Variants in ATP1A3 observed in about 807,000 individuals in gnomAD.
The protein encoded by ATP1A3 is sodium/potassium-transporting ATPase subunit alpha-3.
Under a neutral mutation model 108.8 loss-of-function variants are expected in ATP1A3, and 12 were observed. The observed-to-expected ratio is 0.11, with a 90% CI of 0.07 to 0.18. The LOEUF is 0.18. Among genes scored for constraint, ATP1A3 ranks in the 10% least tolerant of loss-of-function variants. ATP1A3 has a pLI of 1.00. For synonymous variants in ATP1A3, 539 were observed against 564.5 expected (o/e 0.95, Z 0.64); for missense variants, 498 against 1,387.7 (o/e 0.36, Z 10.19).
chr19:41,983,899 T>C (rs2075260883), intron 8 of ATP1A3, among the ~76,000 whole-genome samples: 1 of 149,670 alleles, frequency 6.7e-6, no homozygotes, highest in Admixed American at 6.7e-5. Context: ...CTCAGCCTCC[T>C]GAGTAGCTGG....
intron 1 of ATP1A3, among the ~76,000 whole-genome samples, chr19:41,991,174 C>T (rs977921850): frequency 2.0e-5 from 3 of 152,164 alleles, no homozygotes; most frequent in Admixed American, 6.5e-5. Flanking sequence ...TGACAGGTCC[C>T]GCAGGCCCAG....
chr19:41,986,101 C>G lies in ATP1A3; in HGVS notation c.471+15G>C, dbSNP rs1371096623. ...ACTAACACCCCCGTCTGGCCCCTTG[C>G]TGGGCACCCTTCACCTGGGGCACCA... On this transcript the variant is annotated intron_variant, in intron 5 of 22. Coordinates refer to ENST00000648268, the MANE Select transcript of ATP1A3 (RefSeq NM_152296.5). The G allele has an allele frequency of 6.2e-7, 1 of 1,614,170 alleles. No individual in the cohort carries two copies. Among genetic ancestry groups the G allele is most frequent in the East Asian group, 2.2e-5 (1 of 44,890 alleles).
At chr19:41,979,184 G>A (rs1434933854) in intron 11 of ATP1A3, among the ~76,000 whole-genome samples, 1 of 151,236 alleles carries the variant, frequency 6.6e-6, no homozygotes, top group Non-Finnish European at 1.5e-5. Context: ...TGTATTTTTA[G>A]TAGAGACGGG....
At chr19:41,977,269 G>A (rs1428861351) in intron 14 of ATP1A3, among the ~76,000 whole-genome samples, 1 of 152,138 alleles carries the variant, frequency 6.6e-6, no homozygotes, top group Admixed American at 6.5e-5. Context: ...AGACACAGAA[G>A]TACTGGATTC....
intron 1 of ATP1A3, among the ~76,000 whole-genome samples, chr19:41,992,769 G>T (rs2075352324): frequency 6.6e-6 from 1 of 151,386 alleles, no homozygotes. Context: ...CTTTCCATGT[G>T]TCTCTGTCTT....
chr19:41,989,336 T>TTC (rs1406833758), intron 1 of ATP1A3, among the ~76,000 whole-genome samples: 11 of 149,634 alleles, frequency 7.4e-5, no homozygotes, highest in African/African-American at 2.7e-4. Flanking sequence ...TTTTTTTTTT[T>TTC]GAGACGGAGT....
chr19:41,993,733 CCA>C lies in ATP1A3; in HGVS notation c.6+336_6+337del. 8.3e-6 allele frequency: 5 copies of C among 602,140 alleles called. No homozygotes were observed. The South Asian group carries it at 1.0e-4, about 12-fold the overall frequency. 37.3% of individuals were successfully genotyped at this position (602,140 alleles called of 1,614,324 possible). A position where few individuals can be genotyped will look rare whatever the true frequency, so the allele number is the denominator to read the frequency against. ...CGCAGACTTTCAGACACCACGGGGC[CCA>C]CACACTCGCTGCCAGGGCCTGACAG... On this transcript the variant is annotated intron_variant, in intron 1 of 22. Transcript: ENST00000648268.
intron 8 of ATP1A3, among the ~76,000 whole-genome samples, chr19:41,983,124 C>G (rs2075251342): frequency 6.6e-6 from 1 of 152,008 alleles, no homozygotes; most frequent in Non-Finnish European, 1.5e-5. Flanking sequence ...GTCGTCCAGG[C>G]TGGAGTGCAG....
chr19:41,966,783 G>A lies in ATP1A3; in HGVS notation c.*154C>T, dbSNP rs372647884. 13 of 1,523,134 alleles carry A rather than the reference G, an allele frequency of 8.5e-6. No individual in the cohort carries two copies. Among genetic ancestry groups the A allele is most frequent in the South Asian group, 4.8e-5 (4 of 82,512 alleles). 94.4% of individuals were successfully genotyped at this position (1,523,134 alleles called of 1,614,324 possible). A position where few individuals can be genotyped will look rare whatever the true frequency, so the allele number is the denominator to read the frequency against. ...GCAGGGGAGAGAAGCCAGCCAGAGT[G>A]GGGGCGGCAGGAGATAGTGGAGGGG... On this transcript the variant is annotated 3_prime_UTR_variant, in exon 23 of 23. Transcript: ENST00000648268.
At chr19:41,991,369 G>A (rs2075336952) in intron 1 of ATP1A3, among the ~76,000 whole-genome samples, 1 of 151,750 alleles carries the variant, frequency 6.6e-6, no homozygotes, top group Non-Finnish European at 1.5e-5. Flanking sequence ...GGGTGGGAGG[G>A]AGGCTTGGCC....
At chr19:41,990,509 C>T (rs2075327283) in intron 1 of ATP1A3, among the ~76,000 whole-genome samples, 1 of 141,574 alleles carries the variant, frequency 7.1e-6, no homozygotes, top group East Asian at 2.1e-4. Context: ...CTCTCCCTCT[C>T]TCTGTCTCTC....
At chr19:41,974,007 G>T (rs1568857048) in intron 16 of ATP1A3, among the ~76,000 whole-genome samples, 1 of 152,198 alleles carries the variant, frequency 6.6e-6, no homozygotes, top group South Asian at 2.1e-4. Context: ...AAGGTGCGGG[G>T]ATCACTTCAG....
rs1168002399 is a variant in ATP1A3, at chr19:41,970,626, CTTTTTTTTTTT to C, written c.2264-95_2264-85del. On this transcript the variant is annotated intron_variant, in intron 16 of 22. Coordinates refer to ENST00000648268, the MANE Select transcript of ATP1A3 (RefSeq NM_152296.5). Reference sequence around the variant, plus strand: ...CCCTCCTCTGCCCTCATCCAACGTCCTTTTTTTTTTTTTTTTTTTTTTTGAGACAGAGTCTC... The same window carrying C: ...CCCTCCTCTGCCCTCATCCAACGTCCTTTTTTTTTTTTGAGACAGAGTCTC... The C allele has an allele frequency of 4.0e-5, 31 of 771,298 alleles. No individual in the cohort carries two copies. The East Asian group carries it at 9.8e-4, about 24-fold the overall frequency. 47.8% of individuals were successfully genotyped at this position (771,298 alleles called of 1,614,324 possible).
In ATP1A3 at chr19:41,989,723, T is replaced by C. The variant is rs545850191; in HGVS notation, c.7-1161A>G. On this transcript the variant is annotated intron_variant, in intron 1 of 22. Coordinates refer to ENST00000648268, the MANE Select transcript of ATP1A3 (RefSeq NM_152296.5). The stretch of plus-strand genomic sequence containing the variant: ...GGTCTGTTTTTGGCTCTTGGTCTTA[T>C]TGCTTTGTTTCATCATCTCTCTGTC... Among the ~76,000 whole-genome samples, 3 of 152,280 alleles carry C rather than the reference T, an allele frequency of 2.0e-5. No homozygotes were observed. In the South Asian group the frequency reaches 6.2e-4, roughly 32 times the overall value.
At chr19:41,972,548 C>T (rs928168261) in intron 16 of ATP1A3, among the ~76,000 whole-genome samples, 2 of 151,846 alleles carry the variant, frequency 1.3e-5, no homozygotes, top group Non-Finnish European at 2.9e-5. Flanking sequence ...GGGTGGATCA[C>T]GAGGTCAGGA....
Position 41,967,487 on chromosome 19 carries a change from G to C in ATP1A3, c.2922-147C>G. ...TGCCCTGGGCGGGGCTGGGGCCTGG[G>C]GTCTTCGGAGTAATCCGTGGTGGGA... On this transcript the variant is annotated intron_variant, in intron 21 of 22. Coordinates refer to ENST00000648268, the MANE Select transcript of ATP1A3 (RefSeq NM_152296.5). This position sits in a 1 kb window ranked among gnomAD's most constrained non-coding sequence, Gnocchi z 4.2. 8.3e-7 allele frequency: 1 copy of C among 1,201,202 alleles called. No homozygotes were observed. The highest frequency in any genetic ancestry group is 1.2e-6 in the Non-Finnish European group (1 of 857,392). 74.4% of individuals were successfully genotyped at this position (1,201,202 alleles called of 1,614,324 possible).
chr19:41,972,808 A>AGGAAGGAAGGAAGG, intron 16 of ATP1A3, among the ~76,000 whole-genome samples: 1 of 62,824 alleles, frequency 1.6e-5, no homozygotes, highest in South Asian at 7.6e-4. Flanking sequence ...AGGAAGGGGA[A>AGGAAGGAAGGAAGG]GGAAGGAAGG....
chr19:41,994,095 A>G lies in ATP1A3; in HGVS notation c.-19T>C. 6.3e-7 allele frequency: 1 copy of G among 1,591,270 alleles called. No homozygotes were observed. Among genetic ancestry groups the G allele is most frequent in the Non-Finnish European group, 8.5e-7 (1 of 1,172,316 alleles). On this transcript the variant is annotated 5_prime_UTR_variant, in exon 1 of 23. Coordinates refer to ENST00000648268, the MANE Select transcript of ATP1A3 (RefSeq NM_152296.5). Reference sequence around the variant, plus strand: ...CCCCCATCTTGGCGGCTCCGCGGCGAGAGAGCCAGGCGGGCGGGGCGGGGA... The same window carrying G: ...CCCCCATCTTGGCGGCTCCGCGGCGGGAGAGCCAGGCGGGCGGGGCGGGGA...
At position 41,986,008 on chromosome 19, in the gene ATP1A3, G is replaced by A. The variant is rs1318002472; in HGVS notation, c.472-10C>T. 15 of 1,614,016 alleles carry A rather than the reference G, an allele frequency of 9.3e-6. No individual in the cohort carries two copies. The highest frequency in any genetic ancestry group is 5.0e-5 in the Admixed American group (3 of 59,996). On this transcript the variant is annotated splice_polypyrimidine_tract_variant and intron_variant, in intron 5 of 22. Transcript: ENST00000648268. ...GGATCACCAGGGCTTGCTGAGGTGG[G>A]ATGGAGTAATGTCACCTCCCAGACT...
Sources: gnomAD v4.1 joint callset for allele counts (sites outside exome capture counted in the v4.1 genomes callset) on GRCh38, gnomAD v4.1.1 for gene constraint, Gnocchi (gnomAD v3.1) non-coding constraint, MANE v1.5 for transcripts, NCBI Gene and HGNC (gene_info 2026-07-23, HGNC 2026-07-21) for gene names.